Variants in LMBR1 observed in about 807,000 individuals in gnomAD.
The protein encoded by LMBR1 is limb region 1 protein homolog.
A neutral mutation model predicts 73.9 loss-of-function variants in LMBR1; 52 were observed. That is an observed-to-expected ratio of 0.70 (90% CI 0.56 to 0.89). The LOEUF (loss-of-function observed/expected upper bound fraction) is 0.89. Among genes scored for constraint, LMBR1 ranks in the 40% least tolerant of loss-of-function variants. LMBR1 has a pLI of 0.00. For missense variants in LMBR1, 539 were observed against 579.8 expected, an observed-to-expected ratio of 0.93 and a Z score of 0.72; for synonymous variants, 215 against 209.4, an observed-to-expected ratio of 1.03 and a Z score of -0.23.
chr7:156,748,808 G>T (rs916265260), intron 9 of LMBR1, among the ~76,000 whole-genome samples: 1 of 151,858 alleles, frequency 6.6e-6, no homozygotes, highest in African/African-American at 2.4e-5. Context: ...CATTTTTATA[G>T]AATAACTCTC....
intron 1 of LMBR1, among the ~76,000 whole-genome samples, chr7:156,855,824 G>A (rs1313331043): frequency 1.3e-5 from 2 of 152,112 alleles, no homozygotes; most frequent in Non-Finnish European, 2.9e-5. Context: ...CTTCTCTTCA[G>A]AAACCATGCA....
At chr7:156,694,975 GT>G (rs112258136) in intron 15 of LMBR1, among the ~76,000 whole-genome samples, 11,592 of 152,236 alleles carry the variant, frequency 0.076, 634 homozygotes, top group East Asian at 0.15. Flanking sequence ...TTGTAAAGAT[GT>G]TAATCCTTTC....
intron 1 of LMBR1, among the ~76,000 whole-genome samples, chr7:156,855,457 A>C (rs1227399082): frequency 6.6e-6 from 1 of 152,210 alleles, no homozygotes. Context: ...AAAAGCAAAC[A>C]GAAAAAATAA....
intron 1 of LMBR1, among the ~76,000 whole-genome samples, chr7:156,861,596 T>C (rs1458485961): frequency 6.6e-6 from 1 of 152,200 alleles, no homozygotes; most frequent in Admixed American, 6.5e-5. Flanking sequence ...TTCTATCTCA[T>C]TGTCAGGCTG....
At chr7:156,859,065 T>C (rs551767282) in intron 1 of LMBR1, among the ~76,000 whole-genome samples, 85 of 151,688 alleles carry the variant, frequency 5.6e-4, no homozygotes, top group Non-Finnish European at 9.3e-4. Context: ...ACCAGCCTGA[T>C]CAACATAAAG....
intron 15 of LMBR1, among the ~76,000 whole-genome samples, chr7:156,700,059 T>C (rs1585249200): frequency 1.3e-5 from 2 of 152,270 alleles, no homozygotes; most frequent in South Asian, 2.1e-4. Flanking sequence ...ACTCAAAGGA[T>C]TATAAATCAT....
intron 1 of LMBR1, among the ~76,000 whole-genome samples, chr7:156,847,063 T>C (rs1009142174): frequency 4.3e-4 from 66 of 152,098 alleles, no homozygotes; most frequent in African/African-American, 1.5e-3. Flanking sequence ...CAGCATGACA[T>C]TGATGGAAAA....
downstream of LMBR1, chr7:156,676,763 G>C: frequency 1.3e-6 from 1 of 785,566 alleles, no homozygotes; most frequent in East Asian, 2.5e-5. Context: ...CTGTTTCCCA[G>C]GGAAATAAGC....
intron 15 of LMBR1, among the ~76,000 whole-genome samples, chr7:156,720,064 A>G (rs557147158): frequency 3.1e-4 from 47 of 152,022 alleles, no homozygotes; most frequent in African/African-American, 8.2e-4. Context: ...TCATGTCTAA[A>G]ACACCAAAAG....
At chr7:156,721,326 AAC>A (rs1160139931) in intron 15 of LMBR1, among the ~76,000 whole-genome samples, 1 of 151,906 alleles carries the variant, frequency 6.6e-6, no homozygotes, top group East Asian at 1.9e-4. Context: ...ACAAAAAATC[AAC>A]GTCTTAATTG....
Position 156,721,365 on chromosome 7 carries a change from A to G in LMBR1, c.1225+2747T>C, listed in dbSNP as rs527264613. Reference sequence around the variant, plus strand: ...TTCATGATTAAGCATAATAAAGAACATATCAGCAATCACACAGAATCTATT... The same window carrying G: ...TTCATGATTAAGCATAATAAAGAACGTATCAGCAATCACACAGAATCTATT... On this transcript the variant is annotated intron_variant, in intron 15 of 16. Transcript: ENST00000353442. 7.2e-5 allele frequency among the ~76,000 whole-genome samples: 11 copies of G among 152,264 alleles called. No homozygotes were observed. The South Asian group carries it at 2.3e-3, about 32-fold the overall frequency.
rs569900889 is a variant in LMBR1 at position 156,697,780 on chromosome 7, G to A, written c.1226-9589C>T. On this transcript the variant is annotated intron_variant, in intron 15 of 16. Transcript: ENST00000353442. ...CTGATTTCATATTGTTCAAACACAC[G>A]TTTTACAATCAATTTGTACAGTTAA... is the stretch of plus-strand genomic sequence containing the variant. Among the ~76,000 whole-genome samples the A allele has an allele frequency of 1.1e-4, 16 of 152,208 alleles. No individual in the cohort carries two copies. The South Asian group carries it at 1.5e-3, about 14-fold the overall frequency.
At chr7:156,720,048 A>G (rs1158313802) in intron 15 of LMBR1, among the ~76,000 whole-genome samples, 1 of 151,936 alleles carries the variant, frequency 6.6e-6, no homozygotes, top group Non-Finnish European at 1.5e-5. Flanking sequence ...GGCATGGGCA[A>G]GGACTTCATG....
intron 4 of LMBR1, among the ~76,000 whole-genome samples, chr7:156,817,212 G>A (rs79219628): frequency 0.028 from 4,255 of 151,968 alleles, 205 homozygotes; most frequent in African/African-American, 0.098. Flanking sequence ...ATACTATAGA[G>A]GAAATAATTT....
chr7:156,679,644 A>T lies in LMBR1; in HGVS notation c.*4434T>A, dbSNP rs1202828553. The T allele has an allele frequency of 6.6e-6, 1 of 152,276 alleles. No homozygotes were observed. Among genetic ancestry groups the T allele is most frequent in the Non-Finnish European group, 1.5e-5 (1 of 68,062 alleles). The allele number at this position is 152,276 out of a possible 1,614,324, so 9.4% of individuals were successfully genotyped here. A position where few individuals can be genotyped will look rare whatever the true frequency, so the allele number is the denominator to read the frequency against. Reference sequence around the variant, plus strand: ...CACAAAACAGTTTTAGTAACTGTTAAAACTTCAGTTCTCAGACCCATAGCC... The same window carrying T: ...CACAAAACAGTTTTAGTAACTGTTATAACTTCAGTTCTCAGACCCATAGCC... On this transcript the variant is annotated 3_prime_UTR_variant, in exon 17 of 17. Coordinates refer to ENST00000353442, the MANE Select transcript of LMBR1 (RefSeq NM_022458.4).
At chr7:156,870,258 C>T (rs1203704625) in intron 1 of LMBR1, among the ~76,000 whole-genome samples, 2 of 152,154 alleles carry the variant, frequency 1.3e-5, no homozygotes, top group African/African-American at 2.4e-5. Context: ...CAGCAAACTA[C>T]ACATTCTTCT....
chr7:156,862,399 C>T (rs1226351695), intron 1 of LMBR1, among the ~76,000 whole-genome samples: 1 of 151,204 alleles, frequency 6.6e-6, no homozygotes, highest in Non-Finnish European at 1.5e-5. Flanking sequence ...AGCTACAATT[C>T]AAGATGAGAT....
rs377036782 is a variant in LMBR1, at chr7:156,688,109, C to A, written c.1308G>T (p.Leu436Phe). 82 of 1,612,278 alleles carry A rather than the reference C, an allele frequency of 5.1e-5. No homozygotes were observed. Among genetic ancestry groups the A allele is most frequent in the Non-Finnish European group, 6.8e-5 (80 of 1,179,214 alleles). Residue 436 changes from leucine (L) to phenylalanine (F), a missense_variant, in exon 16 of 17, where the codon TTG becomes TTT. By Grantham distance (22) the Leu-to-Phe change is conservative. Transcript: ENST00000353442. ...GNFYIVLSYN[L>F]LFAIVTTLCL... is the part of the protein sequence containing the mutation. ...ACAATGTTGTCACAATAGCAAAAAG[C>A]AAATTGTAGGATAATACAATATAGA...
intron 4 of LMBR1, among the ~76,000 whole-genome samples, chr7:156,818,424 G>C (rs974319824): frequency 1.3e-5 from 2 of 152,210 alleles, no homozygotes. Context: ...TCATAAGTGA[G>C]TGGACAGCTT....
Sources: allele counts gnomAD v4.1 joint callset (sites outside exome capture counted in the v4.1 genomes callset), GRCh38; gene constraint gnomAD v4.1.1; transcripts MANE v1.5; gene names NCBI Gene and HGNC (gene_info 2026-07-23, HGNC 2026-07-21).